TUSC3: variants seen among roughly 807,000 people sequenced by gnomAD.
The protein encoded by TUSC3 is tumor suppressor candidate 3.
Under a neutral mutation model 44.8 loss-of-function variants are expected in TUSC3, and 45 were observed. The observed-to-expected ratio is 1.00, with a 90% confidence interval of 0.79 to 1.29. TUSC3 has a LOEUF of 1.29. TUSC3 is among the 50% of genes most tolerant of loss of function. The pLI is 0.00. For synonymous variants in TUSC3, 212 were observed against 152.9 expected, an observed-to-expected ratio of 1.39 and a Z score of -2.85; for missense variants, 519 against 437.9, an observed-to-expected ratio of 1.19 and a Z score of -1.65.
chr8:15,480,750 A>G (rs1800647394), intron 1 of TUSC3, among the ~76,000 whole-genome samples: 1 of 152,198 alleles, frequency 6.6e-6, no homozygotes, highest in Non-Finnish European at 1.5e-5. Flanking sequence ...CACTGGTCAG[A>G]TCAGATGAGA....
intron 2 of TUSC3, among the ~76,000 whole-genome samples, chr8:15,490,462 C>A (rs1386949910): frequency 2.0e-5 from 3 of 152,098 alleles, no homozygotes; most frequent in Admixed American, 6.5e-5. Flanking sequence ...TTCCAGCAGC[C>A]CCTCCCATTG....
chr8:15,777,288 G>A, the TUSC3 span, among the ~76,000 whole-genome samples: 2,464 of 152,246 alleles, frequency 0.016, 32 homozygotes, highest in Middle Eastern at 0.065. Flanking sequence ...GGAGCTGGGA[G>A]GGGTTACCAA....
intron 1 of TUSC3, among the ~76,000 whole-genome samples, chr8:15,573,169 T>TTCC (rs1491239459): frequency 0.057 from 2,520 of 43,854 alleles, 71 homozygotes; most frequent in African/African-American, 0.15. Context: ...TCTCTCTCTT[T>TTCC]CTCTCTCTCT....
At chr8:15,830,769 G>T in the TUSC3 span, among the ~76,000 whole-genome samples, 1 of 152,106 alleles carries the variant, frequency 6.6e-6, no homozygotes, top group African/African-American at 2.4e-5. Context: ...GGAGGAAGGT[G>T]GAAGGGGGAT....
the TUSC3 span, chr8:15,806,427 C>T: frequency 4.5e-6 from 3 of 660,896 alleles, no homozygotes; most frequent in Non-Finnish European, 8.1e-6. Context: ...ATTTGGAAAC[C>T]AGAGAAAAAA....
intron 1 of TUSC3, among the ~76,000 whole-genome samples, chr8:15,450,854 A>G (rs1205223618): frequency 1.3e-5 from 2 of 152,114 alleles, no homozygotes; most frequent in African/African-American, 4.8e-5. Context: ...CCTCCAGAGG[A>G]CTTGAGAAGT....
intron 5 of TUSC3, among the ~76,000 whole-genome samples, chr8:15,664,853 A>G (rs1332496255): frequency 6.6e-6 from 1 of 150,578 alleles, no homozygotes; most frequent in Non-Finnish European, 1.5e-5. Context: ...TATGTTACAC[A>G]TATGTATATA....
chr8:15,562,452 T>G (rs1299530875), intron 1 of TUSC3, among the ~76,000 whole-genome samples: 1 of 152,132 alleles, frequency 6.6e-6, no homozygotes, highest in Non-Finnish European at 1.5e-5. Flanking sequence ...AGTTTTATAT[T>G]GATGCATAAA....
intron 1 of TUSC3, among the ~76,000 whole-genome samples, chr8:15,542,449 C>T (rs60238082): frequency 0.026 from 3,894 of 151,886 alleles, 183 homozygotes; most frequent in African/African-American, 0.088. Flanking sequence ...TTCCCATCGT[C>T]GCCTGAAGTG....
At chr8:15,453,888 A>G (rs1800223587) in intron 1 of TUSC3, among the ~76,000 whole-genome samples, 1 of 152,164 alleles carries the variant, frequency 6.6e-6, no homozygotes, top group Non-Finnish European at 1.5e-5. Context: ...ATAGATAGAA[A>G]CACCTGAAAC....
At chr8:15,829,958 T>A in the TUSC3 span, among the ~76,000 whole-genome samples, 28 of 152,124 alleles carry the variant, frequency 1.8e-4, no homozygotes, top group Non-Finnish European at 3.8e-4. Context: ...CCAATATCTA[T>A]TTTTTTCTGG....
At chr8:15,555,643 G>A (rs1021155741) in intron 1 of TUSC3, among the ~76,000 whole-genome samples, 2 of 151,462 alleles carry the variant, frequency 1.3e-5, no homozygotes, top group African/African-American at 2.4e-5. Context: ...ATTTTACTTC[G>A]AAGGTCTCAA....
chr8:15,688,643 GA>G (rs1174593599), intron 6 of TUSC3, among the ~76,000 whole-genome samples: 1 of 152,014 alleles, frequency 6.6e-6, no homozygotes, highest in African/African-American at 2.4e-5. Flanking sequence ...GTTTGAAATA[GA>G]AATTTATTCT....
chr8:15,516,551 A>G (rs1481412885), intron 2 of TUSC3, among the ~76,000 whole-genome samples: 2 of 152,144 alleles, frequency 1.3e-5, no homozygotes, highest in African/African-American at 4.8e-5. Flanking sequence ...CTTCTTAATT[A>G]ATGTAGGTAA....
At chr8:15,727,831 T>A (rs1384746966) in intron 6 of TUSC3, among the ~76,000 whole-genome samples, 4 of 152,224 alleles carry the variant, frequency 2.6e-5, no homozygotes, top group African/African-American at 7.2e-5. Context: ...CACTATTGTA[T>A]ATCATACTAT....
chr8:15,809,680 C>G, the TUSC3 span, among the ~76,000 whole-genome samples: 1 of 152,198 alleles, frequency 6.6e-6, no homozygotes, highest in Non-Finnish European at 1.5e-5. Context: ...TAGTTTCTCT[C>G]TCTGTCTCAA....
At chr8:15,663,398 C>G (rs1292126148) in intron 5 of TUSC3, among the ~76,000 whole-genome samples, 1 of 151,624 alleles carries the variant, frequency 6.6e-6, no homozygotes, top group Non-Finnish European at 1.5e-5. Context: ...CAGTTTGTTT[C>G]TTTTGCTTTC....
At chr8:15,829,236 C>A in the TUSC3 span, among the ~76,000 whole-genome samples, 1 of 152,214 alleles carries the variant, frequency 6.6e-6, no homozygotes, top group South Asian at 2.1e-4. Context: ...AAAAATGTTG[C>A]AAAGAATCAA....
chr8:15,791,907 C>G, the TUSC3 span, among the ~76,000 whole-genome samples: 3 of 151,954 alleles, frequency 2.0e-5, no homozygotes, highest in Non-Finnish European at 2.9e-5. Flanking sequence ...CCTGCATCAT[C>G]TCTCTTCCAG....
Sources: allele counts gnomAD v4.1 joint callset (sites outside exome capture counted in the v4.1 genomes callset), GRCh38; gene constraint gnomAD v4.1.1; transcripts MANE v1.5; gene names NCBI Gene and HGNC (gene_info 2026-07-23, HGNC 2026-07-21).